Variants in SNX31 observed in about 807,000 individuals in gnomAD.
SNX31 encodes the protein sorting nexin-31.
Under a neutral mutation model 65.4 loss-of-function variants are expected in SNX31, and 58 were observed. That is an observed-to-expected ratio of 0.89 (90% confidence interval 0.72 to 1.10). The LOEUF is 1.10. Ranked by LOEUF, SNX31 falls within the 50% of genes least tolerant of loss-of-function variation. The pLI is 0.00. For missense variants in SNX31, 523 were observed against 529.7 expected (o/e 0.99, Z 0.12); for synonymous variants, 181 against 190.1 (o/e 0.95, Z 0.39).
At position 100,656,573 on chromosome 8, in the gene SNX31, G is replaced by A. The variant is rs140442899; in HGVS notation, c.-58+6569C>T. On this transcript the variant is annotated intron_variant, in intron 1 of 5. Transcript: ENST00000520352. Reference sequence around the variant, plus strand: ...GGAGAATCTCTTGAACCTGGGAGGCGGAGGTTGCAGTGAGCCGAGATAACG... The same window carrying A: ...GGAGAATCTCTTGAACCTGGGAGGCAGAGGTTGCAGTGAGCCGAGATAACG... Among the ~76,000 whole-genome samples, 885 of 146,980 alleles carry A rather than the reference G, an allele frequency of 6.0e-3. 11 individuals carry two copies. The highest frequency in any genetic ancestry group is 0.02 in the African/African-American group (793 of 39,476).
chr8:100,662,525 C>G (rs1389796425), intron 1 of SNX31, among the ~76,000 whole-genome samples: 1 of 152,042 alleles, frequency 6.6e-6, no homozygotes, highest in African/African-American at 2.4e-5. Flanking sequence ...TGGTGAAAAC[C>G]CGTCTCTACT....
Position 100,630,862 on chromosome 8 carries a change from A to T in SNX31, c.257-471T>A, listed in dbSNP as rs1181543394. The stretch of plus-strand genomic sequence containing the variant: ...GAGTGTAGTGGCGTGAGCTCGGCTC[A>T]CTGCAATGTCCGTCTCCTGGGTTAA... On this transcript the variant is annotated intron_variant, in intron 3 of 13. Coordinates refer to ENST00000311812, the MANE Select transcript of SNX31 (RefSeq NM_152628.4). The surrounding 1 kb of genome is among the most constrained non-coding windows in gnomAD (Gnocchi z 5.3). 6.6e-6 allele frequency among the ~76,000 whole-genome samples: 1 copy of T among 152,180 alleles called. No individual in the cohort carries two copies. The highest frequency in any genetic ancestry group is 1.5e-5 in the Non-Finnish European group (1 of 68,026).
intron 12 of SNX31, among the ~76,000 whole-genome samples, chr8:100,577,457 C>A (rs1333541391): frequency 6.6e-6 from 1 of 152,168 alleles, no homozygotes; most frequent in Admixed American, 6.5e-5. Context: ...TCAAAAGCCA[C>A]CATTAATCAA....
chr8:100,642,205 T>C (rs1270215313), intron 2 of SNX31, among the ~76,000 whole-genome samples: 2 of 152,240 alleles, frequency 1.3e-5, no homozygotes, highest in East Asian at 1.9e-4. Context: ...GCAGGGCTGC[T>C]GAAACAACCT....
At chr8:100,662,980 T>C (rs1809812761) in intron 1 of SNX31, among the ~76,000 whole-genome samples, 1 of 152,224 alleles carries the variant, frequency 6.6e-6, no homozygotes, top group Non-Finnish European at 1.5e-5. Context: ...AACATGGATG[T>C]AGCTGGAAGC....
chr8:100,582,785 G>A (rs567565143), intron 12 of SNX31, among the ~76,000 whole-genome samples: 2 of 151,778 alleles, frequency 1.3e-5, no homozygotes, highest in Admixed American at 6.6e-5. Context: ...AGACCATCCT[G>A]GCTAACGTGG....
upstream of SNX31, among the ~76,000 whole-genome samples, chr8:100,654,409 G>A (rs1392002582): frequency 6.6e-6 from 1 of 152,196 alleles, no homozygotes; most frequent in African/African-American, 2.4e-5. Flanking sequence ...AGAAGAGTCA[G>A]GATTCAAATC....
chr8:100,611,995 C>T lies in SNX31; in HGVS notation c.611+5G>A, dbSNP rs1283044272. 4 of 1,612,784 alleles carry T rather than the reference C, an allele frequency of 2.5e-6. No homozygotes were observed. Among genetic ancestry groups the T allele is most frequent in the African/African-American group, 1.3e-5 (1 of 75,022 alleles). The stretch of plus-strand genomic sequence containing the variant: ...ACGCCTCTGTCACTTTCAGAACCTA[C>T]TTACCACTTTCGGAGTCCAACCTTA... On this transcript the variant is annotated splice_donor_5th_base_variant and intron_variant, in intron 7 of 13. Transcript: ENST00000311812.
rs527693570 is a variant in SNX31, at chr8:100,578,422, C to G, written c.1171-1347G>C. 1.3e-5 allele frequency among the ~76,000 whole-genome samples: 2 copies of G among 152,320 alleles called. No individual in the cohort carries two copies. The highest frequency in any genetic ancestry group is 1.3e-4 in the Admixed American group (2 of 15,302). ...ACTCTGGATCCTCAGGTTTAGCCAT[C>G]ACATGGTACACACAGGCATTCATAA... is the stretch of plus-strand genomic sequence containing the variant. On this transcript the variant is annotated intron_variant, in intron 12 of 13. Coordinates refer to ENST00000311812, the MANE Select transcript of SNX31 (RefSeq NM_152628.4). The surrounding 1 kb of genome is among the most constrained non-coding windows in gnomAD (Gnocchi z 4.7).
chr8:100,627,336 G>A (rs1009163256), intron 4 of SNX31, among the ~76,000 whole-genome samples: 3 of 152,110 alleles, frequency 2.0e-5, no homozygotes, highest in Admixed American at 2.0e-4. Flanking sequence ...TGGGCAACAA[G>A]AGCAAAACTC....
chr8:100,616,571 T>A (rs1817221701), intron 5 of SNX31, among the ~76,000 whole-genome samples: 1 of 152,204 alleles, frequency 6.6e-6, no homozygotes, highest in Non-Finnish European at 1.5e-5. Context: ...AGAAAGACTA[T>A]GCTGGAAATC....
rs1331005782 is a variant in SNX31 at position 100,649,271 on chromosome 8, C to A, written c.141+3G>T. The A allele has an allele frequency of 1.9e-6, 3 of 1,614,026 alleles. No homozygotes were observed. The highest frequency in any genetic ancestry group is 1.7e-5 in the Admixed American group (1 of 60,036). On this transcript the variant is annotated splice_donor_region_variant and intron_variant, in intron 2 of 13. Coordinates refer to ENST00000311812, the MANE Select transcript of SNX31 (RefSeq NM_152628.4). ...GGCTCGTACCCGCCTCCAATCTGCT[C>A]ACCTGTTCGTTCCAACCGTGCAGCT...
rs1452263341 is a variant in SNX31, at chr8:100,576,425, T to C, written c.1227+594A>G. On this transcript the variant is annotated intron_variant, in intron 13 of 13. Transcript: ENST00000311812. This position sits in a 1 kb window ranked among gnomAD's most constrained non-coding sequence, Gnocchi z 4.8. ...GTTCCAGGGTCAGACTGCCTGCTTCTTTCCATCTTTGACTGCTGTGCAACC... is the reference window on the plus strand; with the variant it reads ...GTTCCAGGGTCAGACTGCCTGCTTCCTTCCATCTTTGACTGCTGTGCAACC... 6.6e-6 allele frequency among the ~76,000 whole-genome samples: 1 copy of C among 152,202 alleles called. No homozygotes were observed. The highest frequency in any genetic ancestry group is 1.5e-5 in the Non-Finnish European group (1 of 68,052).
chr8:100,581,195 A>G (rs1813471574), intron 12 of SNX31, among the ~76,000 whole-genome samples: 1 of 151,288 alleles, frequency 6.6e-6, no homozygotes, highest in Non-Finnish European at 1.5e-5. Context: ...GCTACTTGGG[A>G]GACTGAAGTA....
chr8:100,584,244 C>T, intron 11 of SNX31, 56 bp from the exon 12 acceptor site: 2 of 1,421,852 alleles, frequency 1.4e-6, no homozygotes, highest in Non-Finnish European at 1.9e-6. Context: ...CACTCTCTTT[C>T]TTCCCTCCTC....
At position 100,576,522 on chromosome 8, in the gene SNX31, T is replaced by C. The variant is rs1434506604; in HGVS notation, c.1227+497A>G. 6.6e-6 allele frequency among the ~76,000 whole-genome samples: 1 copy of C among 152,216 alleles called. No homozygotes were observed. Among genetic ancestry groups the C allele is most frequent in the Non-Finnish European group, 1.5e-5 (1 of 68,050 alleles). ...TTTATAGGGCTGTGAAGGAATGTGT[T>C]AATTCACATAAAAGTGCTTAGAATA... On this transcript the variant is annotated intron_variant, in intron 13 of 13. Transcript: ENST00000311812. The surrounding 1 kb of genome is among the most constrained non-coding windows in gnomAD (Gnocchi z 4.8).
chr8:100,617,483 T>C (rs932897640), intron 5 of SNX31, 137 bp downstream of exon 5: 4 of 568,230 alleles, frequency 7.0e-6, no homozygotes, highest in Non-Finnish European at 1.2e-5. Flanking sequence ...CAAATGCCAG[T>C]ACCTCTGCAG....
Position 100,596,822 on chromosome 8 carries a change from C to T in SNX31, c.795G>A (p.Glu265=), listed in dbSNP as rs1384790109. The T allele has an allele frequency of 2.5e-6, 4 of 1,613,620 alleles. No individual in the cohort carries two copies. The highest frequency in any genetic ancestry group is 3.4e-6 in the Non-Finnish European group (4 of 1,180,014). Residue 265 remains glutamate (E), a synonymous_variant, in exon 10 of 14, where the codon GAG becomes GAA. Transcript: ENST00000311812. ...GCTGCAGGTATCCATAGTGCCGTAC[C>T]TCCCGGGCCAGCTCCAAAAACTGCT... The part of the protein sequence containing the change: ...SQTKFLELAR[E]VRHYGYLQLD...
chr8:100,596,853 G>A lies in SNX31; in HGVS notation c.775-11C>T, dbSNP rs935345349. 1 of 1,613,092 alleles carries A rather than the reference G, an allele frequency of 6.2e-7. No homozygotes were observed. The highest frequency in any genetic ancestry group is 1.7e-5 in the Admixed American group (1 of 60,030). ...GGCCAGCTCCAAAAACTGCTCCAAA[G>A]AGGGTGATGTGGGGGGAGGGGAGGC... is the stretch of plus-strand genomic sequence containing the variant. On this transcript the variant is annotated splice_polypyrimidine_tract_variant and intron_variant, in intron 9 of 13. Coordinates refer to ENST00000311812, the MANE Select transcript of SNX31 (RefSeq NM_152628.4).
Sources: allele counts gnomAD v4.1 joint callset (sites outside exome capture counted in the v4.1 genomes callset), GRCh38; gene constraint gnomAD v4.1.1; non-coding constraint Gnocchi (gnomAD v3.1); transcripts MANE v1.5; gene names NCBI Gene and HGNC (gene_info 2026-07-23, HGNC 2026-07-21).